DLG2: variants seen among roughly 807,000 people sequenced by gnomAD.
The protein encoded by DLG2 is discs large MAGUK scaffold protein 2.
In DLG2, 45 loss-of-function variants were observed where a neutral mutation model predicts 132.5. The observed-to-expected ratio is 0.34, with a 90% CI of 0.27 to 0.44. DLG2 has a LOEUF of 0.44. Ranked by LOEUF, DLG2 falls within the 20% of genes least tolerant of loss-of-function variation. The pLI, the probability that DLG2 is intolerant of heterozygous loss-of-function variation, is 1.00. For missense variants in DLG2, 1,045 were observed against 1,196.9 expected (o/e 0.87, Z 1.87); for synonymous variants, 424 against 419.6 (o/e 1.01, Z -0.13).
At chr11:84,386,462 A>G (rs914717525) in intron 7 of DLG2, among the ~76,000 whole-genome samples, 3 of 152,086 alleles carry the variant, frequency 2.0e-5, no homozygotes, top group East Asian at 1.9e-4. Flanking sequence ...TAAAATGTCA[A>G]TATTAGTCAT....
intron 10 of DLG2, among the ~76,000 whole-genome samples, chr11:84,071,134 C>T (rs899271915): frequency 6.6e-6 from 1 of 151,818 alleles, no homozygotes; most frequent in South Asian, 2.1e-4. Flanking sequence ...ATTCTGTTGC[C>T]CCAGCTGTAG....
Position 83,457,111 on chromosome 11 carries a change from G to T in DLG2, c.*2707C>A, listed in dbSNP as rs543388774. On this transcript the variant is annotated 3_prime_UTR_variant, in exon 28 of 28. Transcript: ENST00000376104. ...GCACTTTTCTGAAAGGGCCCAGCAT[G>T]TGTGAAGGTGACATTGCACCCCCAG... 4 of 152,774 alleles carry T rather than the reference G, an allele frequency of 2.6e-5. No homozygotes were observed. Among genetic ancestry groups the T allele is most frequent in the African/African-American group, 9.6e-5 (4 of 41,574 alleles). 9.5% of individuals were successfully genotyped at this position (152,774 alleles called of 1,614,324 possible).
intron 3 of DLG2, among the ~76,000 whole-genome samples, chr11:85,564,677 A>G (rs2077433243): frequency 6.6e-6 from 1 of 152,000 alleles, no homozygotes; most frequent in Non-Finnish European, 1.5e-5. Flanking sequence ...ATAAGTCTCA[A>G]AATTTGTACT....
intron 9 of DLG2, among the ~76,000 whole-genome samples, chr11:84,107,007 T>A (rs61897629): frequency 0.1 from 3,092 of 30,200 alleles, 132 homozygotes; most frequent in African/African-American, 0.22. Context: ...TGTGTGTGTG[T>A]GTGTGTGAGA....
intron 9 of DLG2, among the ~76,000 whole-genome samples, chr11:84,102,482 T>C (rs1262691223): frequency 6.6e-6 from 1 of 152,182 alleles, no homozygotes; most frequent in Admixed American, 6.5e-5. Flanking sequence ...CATTTTGCTC[T>C]GTGTCATTAC....
intron 3 of DLG2, among the ~76,000 whole-genome samples, chr11:85,287,747 C>A (rs1046576854): frequency 7.9e-5 from 12 of 152,032 alleles, no homozygotes; most frequent in Non-Finnish European, 1.5e-4. Context: ...CAATGTCCAT[C>A]AAAAGTGAAA....
At chr11:84,677,863 T>C (rs2099717857) in intron 6 of DLG2, among the ~76,000 whole-genome samples, 1 of 152,020 alleles carries the variant, frequency 6.6e-6, no homozygotes, top group South Asian at 2.1e-4. Flanking sequence ...CACTCCAACT[T>C]GGGAGAAAGA....
chr11:83,606,906 G>A (rs1397544381), intron 19 of DLG2, among the ~76,000 whole-genome samples: 1 of 152,016 alleles, frequency 6.6e-6, no homozygotes, highest in Non-Finnish European at 1.5e-5. Flanking sequence ...CAGCCTGGGC[G>A]ACAGAGAGAG....
At chr11:84,055,274 C>G (rs2096479037) in intron 11 of DLG2, among the ~76,000 whole-genome samples, 1 of 152,022 alleles carries the variant, frequency 6.6e-6, no homozygotes, top group South Asian at 2.1e-4. Flanking sequence ...TAGCTCAAAT[C>G]CATTTACTTT....
At chr11:85,616,904 C>T (rs1156960669) in intron 2 of DLG2, among the ~76,000 whole-genome samples, 2 of 152,036 alleles carry the variant, frequency 1.3e-5, no homozygotes, top group Admixed American at 1.3e-4. Flanking sequence ...ATCTGTCAAA[C>T]CAGACGAGAA....
At chr11:85,592,677 G>A (rs2079441535) in intron 3 of DLG2, among the ~76,000 whole-genome samples, 1 of 152,290 alleles carries the variant, frequency 6.6e-6, no homozygotes, top group South Asian at 2.1e-4. Flanking sequence ...AAGGCTGGGT[G>A]TGGTGCCTCA....
intron 14 of DLG2, among the ~76,000 whole-genome samples, chr11:83,935,282 T>A (rs1226770666): frequency 6.6e-6 from 1 of 152,158 alleles, no homozygotes; most frequent in Non-Finnish European, 1.5e-5. Flanking sequence ...ACACTGTTTA[T>A]TGGGCCAAGG....
chr11:84,676,084 G>A, intron 6 of DLG2, among the ~76,000 whole-genome samples: 1 of 151,988 alleles, frequency 6.6e-6, no homozygotes, highest in Admixed American at 6.6e-5. Context: ...AACAAGGGTG[G>A]TACTATCATT....
At chr11:84,532,071 T>C (rs974431956) in intron 7 of DLG2, among the ~76,000 whole-genome samples, 1 of 150,158 alleles carries the variant, frequency 6.7e-6, no homozygotes, top group African/African-American at 2.4e-5. Flanking sequence ...TGCTGAAGAC[T>C]TAATATACAA....
At chr11:83,695,573 T>C (rs1379109492) in intron 18 of DLG2, among the ~76,000 whole-genome samples, 2 of 152,072 alleles carry the variant, frequency 1.3e-5, no homozygotes, top group African/African-American at 4.8e-5. Flanking sequence ...ACCCTGTCTC[T>C]ACTAAAAATA....
intron 6 of DLG2, among the ~76,000 whole-genome samples, chr11:84,665,302 C>T (rs570777818): frequency 4.6e-5 from 7 of 152,160 alleles, no homozygotes; most frequent in South Asian, 4.2e-4. Flanking sequence ...TATTTAATCC[C>T]ATTTTACAGA....
At chr11:84,154,642 TC>T (rs994223343) in intron 9 of DLG2, among the ~76,000 whole-genome samples, 1 of 151,822 alleles carries the variant, frequency 6.6e-6, no homozygotes, top group African/African-American at 2.4e-5. Context: ...ATGCTATCCC[TC>T]CCCCCTTCCC....
At chr11:85,161,135 T>C (rs974249500) in intron 4 of DLG2, among the ~76,000 whole-genome samples, 14 of 152,210 alleles carry the variant, frequency 9.2e-5, no homozygotes, top group African/African-American at 3.4e-4. Flanking sequence ...ACCGTGAAGA[T>C]ATTTGTATCG....
intron 6 of DLG2, among the ~76,000 whole-genome samples, chr11:84,914,928 G>A (rs1343298358): frequency 6.6e-6 from 1 of 152,142 alleles, no homozygotes; most frequent in Non-Finnish European, 1.5e-5. Context: ...TTATTATTAA[G>A]AATATTGAGG....
Sources: gnomAD v4.1 joint callset for allele counts (sites outside exome capture counted in the v4.1 genomes callset) on GRCh38, gnomAD v4.1.1 for gene constraint, MANE v1.5 for transcripts, NCBI Gene and HGNC (gene_info 2026-07-23, HGNC 2026-07-21) for gene names.